The following P4HA3 variants were observed in gnomAD, a reference collection of about 807,000 sequenced individuals.
P4HA3 encodes prolyl 4-hydroxylase subunit alpha-3.
In P4HA3, 60 loss-of-function variants were observed where a neutral mutation model predicts 66.7. The observed-to-expected ratio is 0.90, with a 90% CI of 0.73 to 1.12. The LOEUF (loss-of-function observed/expected upper bound fraction) is 1.12, where lower values mean the gene tolerates loss of function less well. Ranked by LOEUF, P4HA3 falls within the 50% of genes most tolerant of loss-of-function variation. The pLI is 0.00. For synonymous variants in P4HA3, 263 were observed against 274.6 expected, an observed-to-expected ratio of 0.96 and a Z score of 0.42; for missense variants, 683 against 685.8, an observed-to-expected ratio of 1.00 and a Z score of 0.05.
chr11:74,259,942 G>A (rs1859882295), exon 15 of P4HA3: 1 of 152,168 alleles, frequency 6.6e-6, no homozygotes, highest in Non-Finnish European at 1.5e-5. Flanking sequence ...GAATAACTGG[G>A]TCAGATGACA....
rs758903010 is a variant in P4HA3, at chr11:74,285,950, G to A, written c.969C>T (p.Ser323=). 21 of 1,610,906 alleles carry A rather than the reference G, an allele frequency of 1.3e-5. No homozygotes were observed. In the East Asian group the frequency reaches 2.9e-4, roughly 22 times the overall value. Residue 323 remains serine (S), a synonymous_variant, in exon 7 of 13, where the codon TCC becomes TCT. Coordinates refer to ENST00000331597, the MANE Select transcript of P4HA3 (RefSeq NM_182904.5). The part of the protein sequence containing the change: ...TLYQIPSLYC[S]YETNSNAYLL... ...GGTAGGCGTTGGAATTGGTCTCATA[G>A]GAACAGTAGAGGCTAGGGATCTGGT...
Position 74,304,362 on chromosome 11 carries a change from G to A in P4HA3, c.251C>T (p.Ala84Val). ...SLHEDSTTPVANPLLAFTLIK... is the reference protein window; with the variant it reads ...SLHEDSTTPVVNPLLAFTLIK... ...GAGAGTAAATGCAAGCAGAGGGTTA[G>A]CCACAGGGGTTGTTGAATCCTCATG... The change falls in exon 2 of 13, where the codon GCT (alanine) becomes GTT (valine). Residue 84 changes from alanine to valine, a missense_variant. Ala to Val is a moderately conservative substitution (Grantham distance 64, BLOSUM62 0). Transcript: ENST00000331597. The A allele has an allele frequency of 6.2e-7, 1 of 1,614,102 alleles. No individual in the cohort carries two copies. Among genetic ancestry groups the A allele is most frequent in the Non-Finnish European group, 8.5e-7 (1 of 1,179,970 alleles).
At position 74,311,579 on chromosome 11, in the gene P4HA3, C is replaced by T; in HGVS notation, c.33G>A (p.Leu11=). 6.5e-7 allele frequency: 1 copy of T among 1,536,040 alleles called. No homozygotes were observed. The highest frequency in any genetic ancestry group is 8.7e-7 in the Non-Finnish European group (1 of 1,152,936). Residue 11 remains leucine (L), a synonymous_variant, in exon 1 of 13, where the codon CTG becomes CTA. Transcript: ENST00000331597. Reference sequence around the variant, plus strand: ...CTCCTGTCCCGAGCGCCAGCACCGCCAGCAGCGCCGCCAGCCGCGCCCCAG... The same window carrying T: ...CTCCTGTCCCGAGCGCCAGCACCGCTAGCAGCGCCGCCAGCCGCGCCCCAG... MGPGARLAAL[L]AVLALGTGDP... is the part of the protein sequence containing the mutation.
At chr11:74,258,673 T>A (rs1445560781) in intron 15 of P4HA3, among the ~76,000 whole-genome samples, 1 of 151,566 alleles carries the variant, frequency 6.6e-6, no homozygotes, top group Non-Finnish European at 1.5e-5. Flanking sequence ...AGAGGAGGGG[T>A]GGGGCAGGGG....
chr11:74,260,473 G>A (rs1157778318), intron 14 of P4HA3, among the ~76,000 whole-genome samples: 1 of 152,222 alleles, frequency 6.6e-6, no homozygotes, highest in African/African-American at 2.4e-5. Context: ...TCACAATTGG[G>A]AGGGGGGCCC....
At chr11:74,296,987 A>G (rs1349106295) in intron 4 of P4HA3, among the ~76,000 whole-genome samples, 1 of 144,286 alleles carries the variant, frequency 6.9e-6, no homozygotes, top group African/African-American at 2.6e-5. Context: ...GCTGGAGGGC[A>G]ATAGCTCGAT....
At chr11:74,271,663 G>A (rs1204401671) in intron 10 of P4HA3, among the ~76,000 whole-genome samples, 1 of 152,044 alleles carries the variant, frequency 6.6e-6, no homozygotes, top group Non-Finnish European at 1.5e-5. Context: ...CACCCAGATT[G>A]GGACTGATCT....
intron 4 of P4HA3, among the ~76,000 whole-genome samples, chr11:74,291,626 C>A (rs916615021): frequency 5.3e-5 from 8 of 152,234 alleles, no homozygotes; most frequent in Non-Finnish European, 8.8e-5. Context: ...TCCATCAATA[C>A]CTAATTTATT....
chr11:74,273,624 C>T lies in P4HA3; in HGVS notation c.1336-17G>A. On this transcript the variant is annotated splice_polypyrimidine_tract_variant and intron_variant, in intron 9 of 12. Coordinates refer to ENST00000331597, the MANE Select transcript of P4HA3 (RefSeq NM_182904.5). ...GCTTGGTGACTGAGAAAAAAAAAAA[C>T]AGAACATATTATTTTATGCAGATGG... 6 of 1,515,960 alleles carry T rather than the reference C, an allele frequency of 4.0e-6. No homozygotes were observed. Among genetic ancestry groups the T allele is most frequent in the Non-Finnish European group, 5.3e-6 (6 of 1,129,788 alleles). The allele number at this position is 1,515,960 out of a possible 1,614,324, so 93.9% of individuals were successfully genotyped here.
At chr11:74,275,657 T>A (rs1591097378) in intron 9 of P4HA3, among the ~76,000 whole-genome samples, 1 of 152,206 alleles carries the variant, frequency 6.6e-6, no homozygotes, top group Non-Finnish European at 1.5e-5. Flanking sequence ...CTGCTCTAGG[T>A]TTTTTGCATT....
intron 5 of P4HA3, chr11:74,287,068 C>T: frequency 2.3e-5 from 26 of 1,150,282 alleles, no homozygotes; most frequent in Non-Finnish European, 2.6e-5. Flanking sequence ...TGGATTCCCA[C>T]AGGGCCCTTG....
chr11:74,304,391 A>G lies in P4HA3; in HGVS notation c.222T>C (p.Ser74=). 1 of 1,614,140 alleles carries G rather than the reference A, an allele frequency of 6.2e-7. No homozygotes were observed. Among genetic ancestry groups the G allele is most frequent in the East Asian group, 2.2e-5 (1 of 44,876 alleles). Residue 74 remains serine (S), a synonymous_variant, in exon 2 of 13, where the codon TCT becomes TCC. Coordinates refer to ENST00000331597, the MANE Select transcript of P4HA3 (RefSeq NM_182904.5). ...CAGGGGTTGTTGAATCCTCATGCAA[A>G]GAAAGTACCTTGTCGTAGAATCTGA... ...DLTRFYDKVL[S]LHEDSTTPVA... is the part of the protein sequence containing the mutation.
chr11:74,277,287 G>C, intron 8 of P4HA3, 143 bp from the exon 9 acceptor site: 40 of 1,059,620 alleles, frequency 3.8e-5, no homozygotes, highest in Non-Finnish European at 4.8e-5. Flanking sequence ...AGGGAGGGAA[G>C]ACAGACATAA....
At chr11:74,303,487 C>T (rs1861480761) in intron 2 of P4HA3, among the ~76,000 whole-genome samples, 1 of 151,848 alleles carries the variant, frequency 6.6e-6, no homozygotes, top group Non-Finnish European at 1.5e-5. Flanking sequence ...CGCTATATTG[C>T]CCAGGCTAGT....
At chr11:74,281,455 C>A (rs1273928789) in intron 7 of P4HA3, among the ~76,000 whole-genome samples, 1 of 152,126 alleles carries the variant, frequency 6.6e-6, no homozygotes, top group African/African-American at 2.4e-5. Context: ...TTCACAATAG[C>A]AAAGACTTGG....
At chr11:74,254,060 G>C (rs1859773183) in intron 15 of P4HA3, 1 of 154,108 alleles carries the variant, frequency 6.5e-6, no homozygotes, top group African/African-American at 2.4e-5. Context: ...CTTAGCCATA[G>C]CGAGCGGTGG....
chr11:74,309,452 C>G (rs1861662123), intron 1 of P4HA3, among the ~76,000 whole-genome samples: 1 of 152,138 alleles, frequency 6.6e-6, no homozygotes, highest in Non-Finnish European at 1.5e-5. Flanking sequence ...GAGAATGTAA[C>G]CTGAAAGACC....
At chr11:74,276,715 GA>G (rs1860410398) in intron 9 of P4HA3, among the ~76,000 whole-genome samples, 1 of 152,160 alleles carries the variant, frequency 6.6e-6, no homozygotes, top group Admixed American at 6.5e-5. Flanking sequence ...TCCTCACTAG[GA>G]AGTCCCTGAG....
intron 12 of P4HA3, 113 bp from the exon 13 acceptor site, chr11:74,267,431 T>G: frequency 7.5e-7 from 1 of 1,337,994 alleles, no homozygotes; most frequent in South Asian, 1.5e-5. Context: ...AAATTCTGCA[T>G]CCTAGGTAAC....
Sources: allele counts gnomAD v4.1 joint callset (sites outside exome capture counted in the v4.1 genomes callset), GRCh38; gene constraint gnomAD v4.1.1; transcripts MANE v1.5; gene names NCBI Gene and HGNC (gene_info 2026-07-23, HGNC 2026-07-21).